The following PLCL1 variants were observed in gnomAD, a reference collection of about 807,000 sequenced individuals.
PLCL1 encodes the protein inactive phospholipase C-like protein 1.
PLCL1 carries 41 observed loss-of-function variants against 84.4 expected under a neutral mutation model. The ratio of observed to expected loss-of-function variants is 0.49; its 90% CI spans 0.38 to 0.63. The LOEUF (loss-of-function observed/expected upper bound fraction) is 0.63, where lower values mean the gene tolerates loss of function less well. PLCL1 is among the 30% of genes least tolerant of loss of function. The pLI is 0.00. For missense variants in PLCL1, 1,206 were observed against 1,367.8 expected (o/e 0.88, Z 1.87); for synonymous variants, 490 against 488.3 (o/e 1.00, Z -0.05).
chr2:198,146,915 G>A lies in PLCL1; in HGVS notation c.3241G>A (p.Glu1081Lys). ...SAEAKSKRSL[E>K]AIEEKESSEE... ...TGAGGCCAAGAGCAAGCGCAGCCTG[G>A]AAGCCATAGAGGAGAAGGAAAGTAG... The change falls in exon 6 of 6, where the codon GAA becomes AAA. Residue 1081 changes from glutamate to lysine, a missense_variant. Coordinates refer to ENST00000428675, the MANE Select transcript of PLCL1 (RefSeq NM_006226.4). 6.2e-7 allele frequency: 1 copy of A among 1,613,140 alleles called. No individual in the cohort carries two copies. Among genetic ancestry groups the A allele is most frequent in the East Asian group, 2.2e-5 (1 of 44,832 alleles).
chr2:197,813,193 C>G (rs1405733574), intron 1 of PLCL1, among the ~76,000 whole-genome samples: 1 of 152,200 alleles, frequency 6.6e-6, no homozygotes, highest in African/African-American at 2.4e-5. Flanking sequence ...TGCTCCCCTA[C>G]AGGTCAGCCC....
chr2:197,817,546 C>T (rs1017559437), intron 1 of PLCL1, among the ~76,000 whole-genome samples: 4 of 152,120 alleles, frequency 2.6e-5, no homozygotes, highest in Non-Finnish European at 2.9e-5. Context: ...TCCCAAGTAG[C>T]TGGAACTATA....
intron 1 of PLCL1, among the ~76,000 whole-genome samples, chr2:197,959,049 A>T (rs1358347629): frequency 6.6e-6 from 1 of 152,054 alleles, no homozygotes; most frequent in East Asian, 1.9e-4. Context: ...AATATACTCT[A>T]GAAAGGGAAT....
chr2:197,926,715 A>G (rs1688838498), intron 1 of PLCL1, among the ~76,000 whole-genome samples: 1 of 152,090 alleles, frequency 6.6e-6, no homozygotes, highest in Non-Finnish European at 1.5e-5. Context: ...GAAACTGGGG[A>G]GTAGGAAGCC....
Position 197,805,908 on chromosome 2 carries a change from A to AG in PLCL1, c.240+570dup, listed in dbSNP as rs1690464805. On this transcript the variant is annotated intron_variant, in intron 1 of 5. Transcript: ENST00000428675. The surrounding 1 kb of genome is among the most constrained non-coding windows in gnomAD (Gnocchi z 4.0). The stretch of plus-strand genomic sequence containing the variant: ...TGCGCTGCAGAAAGCACAACCGGAA[A>AG]GCAATCAATCCCCCAAGCATTATCA... 6.6e-6 allele frequency among the ~76,000 whole-genome samples: 1 copy of AG among 152,226 alleles called. No individual in the cohort carries two copies. The highest frequency in any genetic ancestry group is 1.5e-5 in the Non-Finnish European group (1 of 68,026).
chr2:197,873,792 T>C (rs1394503358), intron 1 of PLCL1, among the ~76,000 whole-genome samples: 1 of 152,166 alleles, frequency 6.6e-6, no homozygotes, highest in East Asian at 1.9e-4. Flanking sequence ...GTCTCAATCT[T>C]TGCCAGATTT....
At position 198,086,175 on chromosome 2, in the gene PLCL1, C is replaced by A. The variant is rs45579644; in HGVS notation, c.2658C>A (p.Ile886=). ...RNIGLKTIDD[I]FKIAVHPLRE... is the part of the protein sequence containing the mutation. The stretch of plus-strand genomic sequence containing the variant: ...TCGGTCTTAAAACCATTGATGACAT[C>A]TTTAAAATAGCGGTTCATCCATTAC... The change falls in exon 2 of 6, where the codon ATC becomes ATA. Residue 886 remains isoleucine, a synonymous_variant. Coordinates refer to ENST00000428675, the MANE Select transcript of PLCL1 (RefSeq NM_006226.4). 14 of 1,613,698 alleles carry A rather than the reference C, an allele frequency of 8.7e-6. No homozygotes were observed. The Admixed American group carries it at 1.5e-4, about 17-fold the overall frequency.
intron 1 of PLCL1, among the ~76,000 whole-genome samples, chr2:198,004,933 T>C (rs906413702): frequency 1.3e-5 from 2 of 152,200 alleles, no homozygotes; most frequent in African/African-American, 4.8e-5. Context: ...CCAATGAACA[T>C]AAAAGTGCTT....
At chr2:197,818,548 G>C (rs544311829) in intron 1 of PLCL1, among the ~76,000 whole-genome samples, 1 of 152,160 alleles carries the variant, frequency 6.6e-6, no homozygotes, top group South Asian at 2.1e-4. Flanking sequence ...TTGTTTGCTT[G>C]TTTTGAGATG....
At chr2:197,991,997 C>T (rs984862606) in intron 1 of PLCL1, among the ~76,000 whole-genome samples, 1 of 152,124 alleles carries the variant, frequency 6.6e-6, no homozygotes, top group Non-Finnish European at 1.5e-5. Context: ...CTGCACACAA[C>T]TTCAGTTTCC....
intron 1 of PLCL1, among the ~76,000 whole-genome samples, chr2:197,900,195 A>G (rs1002655716): frequency 6.6e-6 from 1 of 152,242 alleles, no homozygotes; most frequent in Non-Finnish European, 1.5e-5. Flanking sequence ...CAGCACTTAG[A>G]AGAGTGAGTA....
chr2:198,088,696 G>A (rs1281587652), intron 2 of PLCL1, among the ~76,000 whole-genome samples, 162 bp from the exon 3 acceptor site: 2 of 152,156 alleles, frequency 1.3e-5, no homozygotes, highest in Non-Finnish European at 2.9e-5. Context: ...GCTTTCATGG[G>A]TTGTTTGTGG....
At chr2:198,089,153 A>G (rs187943141) in intron 3 of PLCL1, 92 bp downstream of exon 3, 1 of 875,724 alleles carries the variant, frequency 1.1e-6, no homozygotes, top group African/African-American at 1.6e-5. Context: ...AATGAATAAC[A>G]CAGGGTGACT....
At chr2:198,070,140 A>C (rs1692426060) in intron 1 of PLCL1, among the ~76,000 whole-genome samples, 2 of 152,156 alleles carry the variant, frequency 1.3e-5, no homozygotes, top group Admixed American at 1.3e-4. Context: ...ATAATTATTA[A>C]TAGTATGTAT....
At chr2:197,949,072 T>C (rs1689337258) in intron 1 of PLCL1, among the ~76,000 whole-genome samples, 1 of 152,138 alleles carries the variant, frequency 6.6e-6, no homozygotes, top group African/African-American at 2.4e-5. Flanking sequence ...TGTTCAGAGA[T>C]CAGAGGCAAG....
At chr2:197,897,186 CTTCTCCTTCTCCTTCTTCTT>C (rs1264358758) in intron 1 of PLCL1, among the ~76,000 whole-genome samples, 904 of 24,910 alleles carry the variant, frequency 0.036, 23 homozygotes, top group African/African-American at 0.071. Context: ...TCTTCTTCTT[CTTCTCCTTCTCCTTCTTCTT>C]TCTTCTTCCT....
At chr2:197,885,864 G>A (rs940140693) in intron 1 of PLCL1, among the ~76,000 whole-genome samples, 1 of 152,102 alleles carries the variant, frequency 6.6e-6, no homozygotes, top group African/African-American at 2.4e-5. Flanking sequence ...TCATCAGTGG[G>A]GAATGCATGC....
intron 1 of PLCL1, among the ~76,000 whole-genome samples, chr2:198,005,435 C>T (rs1401593573): frequency 7.2e-5 from 11 of 152,206 alleles, no homozygotes; most frequent in Non-Finnish European, 1.6e-4. Flanking sequence ...AACTGCACAT[C>T]GTGCCTGGAA....
chr2:197,930,239 C>T (rs1157727597), intron 1 of PLCL1, among the ~76,000 whole-genome samples: 3 of 152,304 alleles, frequency 2.0e-5, no homozygotes, highest in East Asian at 1.9e-4. Context: ...TTTAAATAGA[C>T]GTTTTTGAAA....
Sources: gnomAD v4.1 joint callset for allele counts (sites outside exome capture counted in the v4.1 genomes callset) on GRCh38, gnomAD v4.1.1 for gene constraint, Gnocchi (gnomAD v3.1) non-coding constraint, MANE v1.5 for transcripts, NCBI Gene and HGNC (gene_info 2026-07-23, HGNC 2026-07-21) for gene names.